The following ME1 variants were observed in gnomAD, a reference collection of about 807,000 sequenced individuals.
The protein encoded by ME1 is NADP-dependent malic enzyme.
ME1 carries 74 observed loss-of-function variants against 66.4 expected under a neutral mutation model. The observed-to-expected ratio is 1.11, with a 90% CI of 0.92 to 1.35. The LOEUF is 1.35. Among genes scored for constraint, ME1 ranks in the 40% most tolerant of loss-of-function variants. ME1 has a pLI of 0.00. For synonymous variants in ME1, 251 were observed against 235.6 expected, an observed-to-expected ratio of 1.07 and a Z score of -0.60; for missense variants, 750 against 694.1, an observed-to-expected ratio of 1.08 and a Z score of -0.90.
intron 2 of ME1, among the ~76,000 whole-genome samples, 192 bp from the exon 3 acceptor site, chr6:83,398,708 A>G (rs985511916): frequency 2.0e-5 from 3 of 152,202 alleles, no homozygotes; most frequent in Non-Finnish European, 4.4e-5. Context: ...ACAGTGGTTC[A>G]TGCCTGTAAT....
intron 5 of ME1, 29 bp downstream of exon 5, chr6:83,346,144 T>C (rs764376061): frequency 1.5e-5 from 24 of 1,550,832 alleles, no homozygotes; most frequent in Admixed American, 3.6e-5. Context: ...TAAAGGTACA[T>C]AGCTGCCTTA....
chr6:83,214,796 A>G (rs774075255), intron 13 of ME1, among the ~76,000 whole-genome samples: 8 of 152,052 alleles, frequency 5.3e-5, no homozygotes, highest in African/African-American at 9.7e-5. Context: ...TGCCATTGAT[A>G]CCTCAAACTT....
chr6:83,309,778 T>C (rs1303849747), intron 6 of ME1, among the ~76,000 whole-genome samples: 1 of 152,052 alleles, frequency 6.6e-6, no homozygotes, highest in Admixed American at 6.6e-5. Flanking sequence ...AGCATTCTAA[T>C]GTTTACAGCT....
intron 12 of ME1, among the ~76,000 whole-genome samples, chr6:83,221,561 G>A (rs1790092140): frequency 6.6e-6 from 1 of 152,148 alleles, no homozygotes; most frequent in Non-Finnish European, 1.5e-5. Context: ...TGTGAATGCT[G>A]ACAGTGAGGA....
intron 4 of ME1, among the ~76,000 whole-genome samples, chr6:83,348,984 C>CAAAAAAAAAAAAAAAAACAA (rs1768743205): frequency 2.1e-5 from 1 of 47,188 alleles, no homozygotes; most frequent in Non-Finnish European, 4.2e-5. Context: ...AACTCTGTCT[C>CAAAAAAAAAAAAAAAAACAA]AAAAAAAAAA....
chr6:83,229,193 A>AT (rs1452227305), intron 9 of ME1: 4 of 517,184 alleles, frequency 7.7e-6, no homozygotes, highest in African/African-American at 3.9e-5. Context: ...AAAAATCCTA[A>AT]TTTTACAGAC....
At chr6:83,243,620 T>C (rs1790553372) in intron 7 of ME1, among the ~76,000 whole-genome samples, 1 of 104,514 alleles carries the variant, frequency 9.6e-6, no homozygotes. Flanking sequence ...TATATCGATA[T>C]AATCTATTAT....
chr6:83,424,280 TA>T (rs1770326917), intron 1 of ME1, among the ~76,000 whole-genome samples: 1 of 152,110 alleles, frequency 6.6e-6, no homozygotes, highest in African/African-American at 2.4e-5. Context: ...ATTTTAACTT[TA>T]AGTTGACTGT....
intron 6 of ME1, among the ~76,000 whole-genome samples, chr6:83,298,749 G>A (rs548805731): frequency 6.6e-6 from 1 of 151,782 alleles, no homozygotes; most frequent in South Asian, 2.1e-4. Context: ...TGTATAATGT[G>A]TAAGGAAGGG....
intron 6 of ME1, among the ~76,000 whole-genome samples, chr6:83,292,323 G>T (rs1767518798): frequency 6.6e-6 from 1 of 152,154 alleles, no homozygotes; most frequent in Non-Finnish European, 1.5e-5. Flanking sequence ...CCTTCTTGTT[G>T]ATGTTGATGC....
In ME1 at chr6:83,352,055, A is replaced by T; in HGVS notation, c.438+9T>A. The T allele has an allele frequency of 6.3e-7, 1 of 1,579,128 alleles. No individual in the cohort carries two copies. Among genetic ancestry groups the T allele is most frequent in the Non-Finnish European group, 8.6e-7 (1 of 1,161,140 alleles). ...AAATTTGCTATAGTGGAAAAACATG[A>T]TAACTTACCTTGATGACATCTTCTG... On this transcript the variant is annotated intron_variant, in intron 4 of 13. Coordinates refer to ENST00000369705, the MANE Select transcript of ME1 (RefSeq NM_002395.6).
rs1789859109 is a variant in ME1, at chr6:83,210,884, TG to T, written c.*1039del. The T allele has an allele frequency of 6.6e-6, 1 of 152,252 alleles. No homozygotes were observed. Among genetic ancestry groups the T allele is most frequent in the African/African-American group, 2.4e-5 (1 of 41,468 alleles). The allele number at this position is 152,252 out of a possible 1,614,324, so 9.4% of individuals were successfully genotyped here. A position where few individuals can be genotyped will look rare whatever the true frequency, so the allele number is the denominator to read the frequency against. On this transcript the variant is annotated 3_prime_UTR_variant, in exon 14 of 14. Coordinates refer to ENST00000369705, the MANE Select transcript of ME1 (RefSeq NM_002395.6). ...TAGTCATCAAGATATTTTAATCTTA[TG>T]TAAGGACATTTCTGATACTGGGAAC...
intron 6 of ME1, among the ~76,000 whole-genome samples, chr6:83,290,892 G>A (rs984541958): frequency 4.6e-5 from 7 of 151,946 alleles, no homozygotes; most frequent in African/African-American, 1.5e-4. Flanking sequence ...TGTCTCTTTC[G>A]ATCTTTGTTG....
chr6:83,406,360 G>A (rs1397923500), intron 2 of ME1, among the ~76,000 whole-genome samples: 1 of 152,150 alleles, frequency 6.6e-6, no homozygotes, highest in African/African-American at 2.4e-5. Flanking sequence ...AGTTAGGGAG[G>A]AGTCCCTCCT....
At chr6:83,392,949 G>A in intron 3 of ME1, 1 of 834,720 alleles carries the variant, frequency 1.2e-6, no homozygotes, top group East Asian at 2.4e-5. Flanking sequence ...GACCATCGCT[G>A]CCACCCAGAA....
chr6:83,369,627 A>G (rs1487008126), intron 3 of ME1, among the ~76,000 whole-genome samples: 2 of 150,510 alleles, frequency 1.3e-5, no homozygotes, highest in African/African-American at 2.5e-5. Context: ...CCTTGTCAGA[A>G]AAAGAAAAGA....
At chr6:83,273,459 T>C (rs1767121273) in intron 6 of ME1, among the ~76,000 whole-genome samples, 2 of 152,168 alleles carry the variant, frequency 1.3e-5, no homozygotes, top group South Asian at 4.1e-4. Context: ...AAGAAGTTTT[T>C]AAAAGGTTCT....
At chr6:83,385,145 C>G (rs1241161297) in intron 3 of ME1, among the ~76,000 whole-genome samples, 1 of 151,818 alleles carries the variant, frequency 6.6e-6, no homozygotes, top group Non-Finnish European at 1.5e-5. Flanking sequence ...GTCACTTTCT[C>G]TGGATATCAA....
intron 4 of ME1, among the ~76,000 whole-genome samples, chr6:83,351,173 C>T (rs530167322): frequency 6.6e-6 from 1 of 152,118 alleles, no homozygotes; most frequent in South Asian, 2.1e-4. Context: ...GGCAGGAGGA[C>T]TGCGTGAGGT....
Sources: allele counts gnomAD v4.1 joint callset (sites outside exome capture counted in the v4.1 genomes callset), GRCh38; gene constraint gnomAD v4.1.1; transcripts MANE v1.5; gene names NCBI Gene and HGNC (gene_info 2026-07-23, HGNC 2026-07-21).